Variants in MAST2 observed in about 807,000 individuals in gnomAD.
MAST2 encodes the protein microtubule associated serine/threonine kinase 2, also known as microtubule-associated serine/threonine-protein kinase 2.
A neutral mutation model predicts 147.4 loss-of-function variants in MAST2; 70 were observed. The observed-to-expected ratio is 0.47, with a 90% CI of 0.39 to 0.58. The LOEUF (loss-of-function observed/expected upper bound fraction) is 0.58. Among genes scored for constraint, MAST2 ranks in the 20% least tolerant of loss-of-function variants. The probability of loss-of-function intolerance (pLI) is 0.00; values close to 1 mark genes in which losing one functional copy is unlikely to be tolerated. For synonymous variants in MAST2, 869 were observed against 896.8 expected, an observed-to-expected ratio of 0.97 and a Z score of 0.55; for missense variants, 2,080 against 2,302.3, an observed-to-expected ratio of 0.90 and a Z score of 1.98.
chr1:45,902,504 G>A (rs1334134037), intron 4 of MAST2, among the ~76,000 whole-genome samples: 2 of 152,044 alleles, frequency 1.3e-5, no homozygotes, highest in African/African-American at 4.8e-5. Flanking sequence ...GAACGAGCTA[G>A]GGAAGAATCC....
rs116425420 is a variant in MAST2, at chr1:45,822,559, G to A, written c.178-1874G>A. On this transcript the variant is annotated intron_variant, in intron 1 of 28. Coordinates refer to ENST00000361297, the MANE Select transcript of MAST2 (RefSeq NM_015112.3). Reference sequence around the variant, plus strand: ...TGATTGTTCTTTCTCTGGCTAAGACGGATTATTCATCCATACAGTGTAGCA... The same window carrying A: ...TGATTGTTCTTTCTCTGGCTAAGACAGATTATTCATCCATACAGTGTAGCA... 2.5e-3 allele frequency among the ~76,000 whole-genome samples: 388 copies of A among 152,208 alleles called. 1 individual carries two copies. The highest frequency in any genetic ancestry group is 6.8e-3 in the Middle Eastern group (2 of 294).
intron 5 of MAST2, among the ~76,000 whole-genome samples, chr1:45,989,599 AT>A (rs920367536): frequency 3.3e-5 from 5 of 151,326 alleles, no homozygotes; most frequent in East Asian, 1.9e-4. Context: ...CAAGGCTTAA[AT>A]TTTTTTTTCC....
intron 26 of MAST2, among the ~76,000 whole-genome samples, chr1:46,033,032 A>C (rs976955732): frequency 7.9e-5 from 12 of 151,556 alleles, no homozygotes; most frequent in Non-Finnish European, 1.5e-4. Flanking sequence ...TAATCCCAGC[A>C]CTTTGGGAGG....
intron 4 of MAST2, among the ~76,000 whole-genome samples, chr1:45,940,580 G>C (rs1018695412): frequency 6.6e-5 from 10 of 151,500 alleles, no homozygotes; most frequent in South Asian, 2.1e-4. Flanking sequence ...ACAGAGTAGA[G>C]TAGTCTTCAG....
chr1:46,033,608 A>C (rs960292357), intron 26 of MAST2, among the ~76,000 whole-genome samples, 194 bp from the exon 27 acceptor site: 7 of 152,012 alleles, frequency 4.6e-5, no homozygotes, highest in Non-Finnish European at 1.0e-4. Flanking sequence ...CTTACCCCAA[A>C]CCACTCTGGG....
At chr1:45,915,897 A>G (rs1024253083) in intron 4 of MAST2, among the ~76,000 whole-genome samples, 1 of 152,180 alleles carries the variant, frequency 6.6e-6, no homozygotes, top group Non-Finnish European at 1.5e-5. Flanking sequence ...GTTCTAACAT[A>G]TATATGAAGG....
rs1557509895 is a variant in MAST2, at chr1:46,030,218, TG to T, written c.2534del (p.Cys845SerfsTer31). 6.2e-7 allele frequency: 1 copy of T among 1,614,218 alleles called. No individual in the cohort carries two copies. The highest frequency in any genetic ancestry group is 2.2e-5 in the East Asian group (1 of 44,892). On this transcript the variant is annotated frameshift_variant, in exon 21 of 29. Transcript: ENST00000361297. LOFTEE classifies it high-confidence loss of function. Reference protein sequence around the residue: ...GCLEIRQFSSCSPRFNKVYSS... With the variant: ...GCLEIRQFSSXSPRFNKVYSS... ...CCTTGAGATCCGCCAGTTCTCTTCC[TG>T]CTCTCCAAGGTTCAACAAGGTGTGA... is the stretch of plus-strand genomic sequence containing the variant.
chr1:46,023,491 T>G lies in MAST2; in HGVS notation c.1571+173T>G. 1.5e-6 allele frequency: 1 copy of G among 648,462 alleles called. No homozygotes were observed. The highest frequency in any genetic ancestry group is 1.8e-5 in the African/African-American group (1 of 54,752). 40.2% of individuals were successfully genotyped at this position (648,462 alleles called of 1,614,324 possible). On this transcript the variant is annotated intron_variant, in intron 14 of 28. Transcript: ENST00000361297. This position sits in a 1 kb window ranked among gnomAD's most constrained non-coding sequence, Gnocchi z 4.9. ...TTCAGATTCCTCTGACATCCGATCA[T>G]TGTTCCTTTCCCAGACAAGATTCCC...
intron 5 of MAST2, among the ~76,000 whole-genome samples, chr1:45,966,040 T>C (rs1008798893): frequency 1.3e-5 from 2 of 152,210 alleles, no homozygotes; most frequent in Non-Finnish European, 2.9e-5. Context: ...TTTCTCCCCT[T>C]AACTCCTGGC....
At chr1:46,017,302 A>G (rs1024022703) in intron 10 of MAST2, among the ~76,000 whole-genome samples, 1 of 152,246 alleles carries the variant, frequency 6.6e-6, no homozygotes, top group African/African-American at 2.4e-5. Context: ...AAGCAATGGC[A>G]ACAAAAGCCA....
chr1:45,981,846 C>CTTTTTTT (rs34353072), intron 5 of MAST2, among the ~76,000 whole-genome samples: 1 of 141,166 alleles, frequency 7.1e-6, no homozygotes, highest in Non-Finnish European at 1.5e-5. Flanking sequence ...GTAATTTTGG[C>CTTTTTTT]TTTTTTTTTT....
intron 4 of MAST2, among the ~76,000 whole-genome samples, chr1:45,933,824 T>C (rs555009548): frequency 2.6e-5 from 4 of 152,138 alleles, no homozygotes; most frequent in African/African-American, 7.2e-5. Context: ...TTTTTTCTAG[T>C]CTCTAATTAC....
At chr1:46,002,543 C>T (rs549389941) in intron 6 of MAST2, among the ~76,000 whole-genome samples, 3 of 152,290 alleles carry the variant, frequency 2.0e-5, no homozygotes, top group African/African-American at 7.2e-5. Flanking sequence ...TCCAAAACCA[C>T]AGTATTATAT....
At chr1:45,881,106 A>G (rs1646827226) in intron 3 of MAST2, among the ~76,000 whole-genome samples, 1 of 152,350 alleles carries the variant, frequency 6.6e-6, no homozygotes, top group East Asian at 1.9e-4. Flanking sequence ...TGGAATATCC[A>G]GTACTTTATG....
intron 7 of MAST2, among the ~76,000 whole-genome samples, chr1:46,005,994 G>T (rs939320095): frequency 9.2e-5 from 14 of 152,144 alleles, no homozygotes; most frequent in African/African-American, 3.4e-4. Context: ...TTCCATGAAG[G>T]TCTGGGCCCA....
intron 4 of MAST2, among the ~76,000 whole-genome samples, chr1:45,927,724 A>G (rs1055095502): frequency 1.3e-5 from 2 of 152,192 alleles, no homozygotes; most frequent in Non-Finnish European, 2.9e-5. Flanking sequence ...CTGAAGCGAC[A>G]TGCATCCTTT....
chr1:45,857,431 T>G (rs1645825034), intron 3 of MAST2, among the ~76,000 whole-genome samples: 1 of 152,230 alleles, frequency 6.6e-6, no homozygotes, highest in Admixed American at 6.5e-5. Context: ...GGAATTTTAC[T>G]TGATTGATTG....
chr1:45,870,478 TTTTG>T lies in MAST2; in HGVS notation c.469-11882_469-11879del, dbSNP rs1646339161. Among the ~76,000 whole-genome samples, 4 of 150,660 alleles carry T rather than the reference TTTTG, an allele frequency of 2.7e-5. No individual in the cohort carries two copies. The South Asian group carries it at 8.4e-4, about 32-fold the overall frequency. ...GTATATGTTTTTAAGAGTTTGTCCA[TTTTG>T]TTTATTTTGTTATTTATTGAGATCA... On this transcript the variant is annotated intron_variant, in intron 3 of 28. Coordinates refer to ENST00000361297, the MANE Select transcript of MAST2 (RefSeq NM_015112.3).
chr1:45,847,087 T>G (rs1645461846), intron 3 of MAST2: 1 of 470,674 alleles, frequency 2.1e-6, no homozygotes, highest in Non-Finnish European at 4.3e-6. Flanking sequence ...ATAGTTTTCC[T>G]CTTGCACTTC....
Sources: allele counts gnomAD v4.1 joint callset (sites outside exome capture counted in the v4.1 genomes callset), GRCh38; gene constraint gnomAD v4.1.1; non-coding constraint Gnocchi (gnomAD v3.1); transcripts MANE v1.5; gene names NCBI Gene and HGNC (gene_info 2026-07-23, HGNC 2026-07-21).